Variants in METTL15 observed in about 807,000 individuals in gnomAD.
The protein encoded by METTL15 is 12S rRNA N(4)-cytidine methyltransferase METTL15.
METTL15 carries 34 observed loss-of-function variants against 38.3 expected under a neutral mutation model. The observed-to-expected ratio is 0.89, with a 90% CI of 0.68 to 1.18. The LOEUF is 1.18. METTL15 is among the 50% of genes most tolerant of loss of function. METTL15 has a pLI of 0.00. For synonymous variants in METTL15, 162 were observed against 170.9 expected (o/e 0.95, Z 0.41); for missense variants, 438 against 498.4 (o/e 0.88, Z 1.15).
rs113221351 is a variant in METTL15 at position 28,319,387 on chromosome 11, C to T, written c.779-11009C>T. Among the ~76,000 whole-genome samples the T allele has an allele frequency of 5.7e-3, 857 of 151,220 alleles. 2 individuals are homozygous for T. The highest frequency in any genetic ancestry group is 0.017 in the Middle Eastern group (5 of 288). ...TTGCTTTGTTTTGAGCACCCAGAAA[C>T]GGAAAGAAGCTCAACAACATTCTTA... On this transcript the variant is annotated intron_variant, in intron 6 of 6. Coordinates refer to ENST00000407364, the MANE Select transcript of METTL15 (RefSeq NM_001113528.2).
Position 28,113,346 on chromosome 11 carries a change from T to C in METTL15, c.12T>C (p.Tyr4=), listed in dbSNP as rs1174768160. 14 of 1,556,396 alleles carry C rather than the reference T, an allele frequency of 9.0e-6. No individual in the cohort carries two copies. The highest frequency in any genetic ancestry group is 2.8e-5 in the African/African-American group (2 of 72,274). The change falls in exon 3 of 7, where the codon TAT becomes TAC. Residue 4 remains tyrosine (Y), a synonymous_variant. Coordinates refer to ENST00000407364, the MANE Select transcript of METTL15 (RefSeq NM_001113528.2). MLR[Y]PYFCRMYKEC... is the part of the protein sequence containing the mutation. ...TGTTTACCTACAAAATGCTTCGGTA[T>C]CCATATTTTTGTAGAATGTATAAAG...
intron 6 of METTL15, among the ~76,000 whole-genome samples, chr11:28,300,780 T>C (rs1369003427): frequency 1.3e-5 from 2 of 152,146 alleles, no homozygotes; most frequent in Non-Finnish European, 2.9e-5. Context: ...CCAAAAATGA[T>C]TCATAAATAA....
intron 4 of METTL15, among the ~76,000 whole-genome samples, chr11:28,265,916 C>G (rs1353381984): frequency 1.3e-5 from 2 of 152,192 alleles, no homozygotes; most frequent in African/African-American, 4.8e-5. Context: ...CACCCATCAA[C>G]TCATCATTTA....
intron 6 of METTL15, among the ~76,000 whole-genome samples, chr11:28,303,099 C>T (rs1856966502): frequency 6.6e-6 from 1 of 152,168 alleles, no homozygotes; most frequent in Admixed American, 6.6e-5. Flanking sequence ...AAGAGGCTGG[C>T]TGCCCATATT....
At chr11:28,262,251 A>T (rs750781809) in intron 4 of METTL15, among the ~76,000 whole-genome samples, 3 of 151,996 alleles carry the variant, frequency 2.0e-5, no homozygotes, top group Non-Finnish European at 4.4e-5. Context: ...TAACATGTGA[A>T]CTGACTATGC....
intron 4 of METTL15, among the ~76,000 whole-genome samples, chr11:28,250,141 T>A (rs1225359300): frequency 2.0e-5 from 3 of 152,126 alleles, no homozygotes; most frequent in Non-Finnish European, 4.4e-5. Flanking sequence ...GCATTTAGGT[T>A]GATTCTATGT....
intron 6 of METTL15, among the ~76,000 whole-genome samples, chr11:28,441,131 A>C (rs1223447525): frequency 6.6e-6 from 1 of 151,868 alleles, no homozygotes; most frequent in Admixed American, 6.6e-5. Context: ...ACAGTATGAA[A>C]AACATAGGAA....
At chr11:28,205,584 T>C (rs1441964638) in intron 3 of METTL15, among the ~76,000 whole-genome samples, 1 of 152,126 alleles carries the variant, frequency 6.6e-6, no homozygotes, top group Non-Finnish European at 1.5e-5. Flanking sequence ...CATGTGTCTT[T>C]ATAGCAGCAT....
At chr11:28,375,081 A>G (rs1850292392) in intron 5 of METTL15, among the ~76,000 whole-genome samples, 1 of 150,296 alleles carries the variant, frequency 6.7e-6, no homozygotes, top group South Asian at 2.1e-4. Flanking sequence ...TAGTTTATTT[A>G]TGATTTTTGC....
chr11:28,377,733 C>T (rs11493472), intron 5 of METTL15, among the ~76,000 whole-genome samples: 1 of 151,956 alleles, frequency 6.6e-6, no homozygotes, highest in Admixed American at 6.6e-5. Flanking sequence ...AGGAGAGGCA[C>T]TCTGCTTTTT....
chr11:28,457,496 A>G (rs1851178972), intron 6 of METTL15, among the ~76,000 whole-genome samples: 2 of 152,206 alleles, frequency 1.3e-5, no homozygotes, highest in Non-Finnish European at 2.9e-5. Context: ...GATCCACTCA[A>G]GCAGTCTGAA....
intron 4 of METTL15, among the ~76,000 whole-genome samples, chr11:28,358,089 A>G (rs77393504): frequency 0.023 from 3,486 of 152,186 alleles, 133 homozygotes; most frequent in African/African-American, 0.08. Flanking sequence ...TGACATTGAA[A>G]GCATGAGAAG....
chr11:28,171,068 C>T (rs2133762251), intron 3 of METTL15, among the ~76,000 whole-genome samples: 1 of 152,292 alleles, frequency 6.6e-6, no homozygotes, highest in East Asian at 1.9e-4. Context: ...CTTCAGCTCC[C>T]TTGGACTATT....
intron 4 of METTL15, among the ~76,000 whole-genome samples, chr11:28,278,666 T>A (rs1855933505): frequency 6.6e-6 from 1 of 152,224 alleles, no homozygotes; most frequent in Non-Finnish European, 1.5e-5. Context: ...CTTACCTCTC[T>A]CTTGTCTTCA....
At chr11:28,211,327 C>T (rs1239213483) in intron 4 of METTL15, 129 bp downstream of exon 4, 7 of 752,168 alleles carry the variant, frequency 9.3e-6, no homozygotes, top group Non-Finnish European at 1.4e-5. Context: ...CTTCTTTTTT[C>T]CCCAAAAAGA....
intron 5 of METTL15, among the ~76,000 whole-genome samples, chr11:28,396,895 A>G (rs1564919545): frequency 6.6e-6 from 1 of 152,174 alleles, no homozygotes; most frequent in East Asian, 1.9e-4. Context: ...CAACAGAGAA[A>G]TAGACCAATG....
intron 6 of METTL15, among the ~76,000 whole-genome samples, chr11:28,476,600 A>G (rs535121295): frequency 1.3e-5 from 2 of 152,258 alleles, no homozygotes; most frequent in South Asian, 2.1e-4. Context: ...AGGTTAATCA[A>G]TATGTCCTCG....
intron 3 of METTL15, among the ~76,000 whole-genome samples, chr11:28,138,622 C>T (rs903498674): frequency 3.0e-4 from 46 of 152,230 alleles, no homozygotes; most frequent in African/African-American, 1.0e-3. Flanking sequence ...TGTTCACAGA[C>T]GGGAAGAGAA....
intron 6 of METTL15, among the ~76,000 whole-genome samples, chr11:28,495,146 A>C (rs549972802): frequency 6.6e-6 from 1 of 152,252 alleles, no homozygotes; most frequent in South Asian, 2.1e-4. Flanking sequence ...ACATTGTCCA[A>C]CCCTCATGAA....
Sources: allele counts gnomAD v4.1 joint callset (sites outside exome capture counted in the v4.1 genomes callset), GRCh38; gene constraint gnomAD v4.1.1; transcripts MANE v1.5; gene names NCBI Gene and HGNC (gene_info 2026-07-23, HGNC 2026-07-21).